RP1: variants seen among roughly 807,000 people sequenced by gnomAD.
RP1 encodes RP1 axonemal microtubule associated, also known as oxygen-regulated protein 1.
RP1 carries 16 observed loss-of-function variants against 14.8 expected under a neutral mutation model. The observed-to-expected ratio is 1.08, with a 90% CI of 0.73 to 1.65. RP1 has a LOEUF of 1.65. Ranked by LOEUF, RP1 falls within the 40% of genes most tolerant of loss-of-function variation. RP1 has a pLI of 0.00. For missense variants in RP1, 2,631 were observed against 2,535.0 expected (o/e 1.04, Z -0.81); for synonymous variants, 876 against 883.6 (o/e 0.99, Z 0.15).
intron 25 of RP1, among the ~76,000 whole-genome samples, chr8:54,843,011 C>T (rs184250949): frequency 7.9e-5 from 12 of 152,286 alleles, no homozygotes; most frequent in Admixed American, 5.2e-4. Context: ...ACTCCACTCC[C>T]CTCCCAACTG....
chr8:54,853,824 GAAAC>G (rs1231623608), intron 26 of RP1, among the ~76,000 whole-genome samples: 1 of 106,198 alleles, frequency 9.4e-6, no homozygotes, highest in African/African-American at 4.2e-5. Flanking sequence ...GGAAGGAAGA[GAAAC>G]AAAGAGAGAG....
intron 19 of RP1, among the ~76,000 whole-genome samples, chr8:54,748,321 T>C (rs1479819622): frequency 6.6e-6 from 1 of 152,208 alleles, no homozygotes; most frequent in Non-Finnish European, 1.5e-5. Flanking sequence ...TTTTTGAAGA[T>C]TTTCTAGTTC....
chr8:54,583,732 G>C (rs1455916535), intron 1 of RP1, among the ~76,000 whole-genome samples: 2 of 151,996 alleles, frequency 1.3e-5, no homozygotes, highest in African/African-American at 4.8e-5. Flanking sequence ...GTCTTGGGAG[G>C]GTGTATGTGT....
intron 25 of RP1, among the ~76,000 whole-genome samples, chr8:54,846,120 G>A (rs1036381323): frequency 7.2e-5 from 11 of 152,246 alleles, no homozygotes; most frequent in African/African-American, 2.6e-4. Context: ...AAAACTTCTT[G>A]GCCGAAGAAG....
chr8:54,561,738 C>T (rs1266312137), intron 1 of RP1: 1 of 152,120 alleles, frequency 6.6e-6, no homozygotes, highest in East Asian at 1.9e-4. Context: ...GAATCATTAT[C>T]TAACAGAAAA....
At chr8:54,603,943 G>A (rs920331277) in intron 1 of RP1, among the ~76,000 whole-genome samples, 6 of 152,216 alleles carry the variant, frequency 3.9e-5, no homozygotes, top group African/African-American at 1.4e-4. Context: ...TTGGGACTGA[G>A]ACGATGGGGT....
intron 3 of RP1, among the ~76,000 whole-genome samples, chr8:54,643,048 G>A (rs1486749930): frequency 6.6e-6 from 1 of 151,256 alleles, no homozygotes; most frequent in Non-Finnish European, 1.5e-5. Context: ...TTTCCATTGT[G>A]ATATCGATGT....
chr8:54,749,759 G>A (rs1809313482), intron 19 of RP1, among the ~76,000 whole-genome samples: 1 of 152,122 alleles, frequency 6.6e-6, no homozygotes, highest in African/African-American at 2.4e-5. Context: ...GTGATCTAGG[G>A]ACCCAGGAGA....
rs1805979750 is a variant in RP1 at position 54,624,715 on chromosome 8, T to C, written c.833T>C (p.Val278Ala). Residue 278 changes from valine to alanine, a missense_variant, in exon 4 of 4, where the codon GTT becomes GCT. By Grantham distance (64) the Val-to-Ala change is moderately conservative. Transcript: ENST00000220676. Reference protein sequence around the residue: ...SSSSRSQIYSVSSEKTHNNDC... With the variant: ...SSSSRSQIYSASSEKTHNNDC... ...AGCTCAAGGTCCCAGATTTATTCTG[T>C]TTCTTCTGAGAAAACACATAATAAT... is the stretch of plus-strand genomic sequence containing the variant. The C allele has an allele frequency of 6.2e-7, 1 of 1,613,900 alleles. No individual in the cohort carries two copies. The highest frequency in any genetic ancestry group is 1.3e-5 in the African/African-American group (1 of 74,928).
intron 25 of RP1, among the ~76,000 whole-genome samples, chr8:54,848,317 C>T (rs1376133567): frequency 6.6e-6 from 1 of 152,204 alleles, no homozygotes; most frequent in African/African-American, 2.4e-5. Context: ...AGGAGTGCCT[C>T]CTCCTATCCT....
At chr8:54,604,718 C>A (rs992272174) in intron 1 of RP1, among the ~76,000 whole-genome samples, 5 of 152,138 alleles carry the variant, frequency 3.3e-5, no homozygotes, top group African/African-American at 1.2e-4. Context: ...ATTTCAGAGC[C>A]TGTTATTGGT....
chr8:54,807,693 T>C (rs1050927580), intron 24 of RP1, among the ~76,000 whole-genome samples: 20 of 151,804 alleles, frequency 1.3e-4, no homozygotes, highest in Admixed American at 6.6e-5. Flanking sequence ...TATCTCTATC[T>C]ATCTATCATG....
intron 1 of RP1, among the ~76,000 whole-genome samples, chr8:54,605,669 A>T (rs1237458762): frequency 3.9e-5 from 6 of 152,064 alleles, no homozygotes; most frequent in South Asian, 2.1e-4. Flanking sequence ...ATTGTGTGGG[A>T]GTCTAAGTCT....
intron 12 of RP1, among the ~76,000 whole-genome samples, chr8:54,694,126 G>T (rs1807794242): frequency 2.6e-5 from 4 of 152,132 alleles, no homozygotes; most frequent in Admixed American, 2.6e-4. Context: ...TACATTTATT[G>T]ATTTGCATAT....
chr8:54,855,249 G>A (rs952851294), intron 26 of RP1, among the ~76,000 whole-genome samples: 5 of 152,034 alleles, frequency 3.3e-5, no homozygotes, highest in South Asian at 2.1e-4. Context: ...TTTCCTTCGC[G>A]AGACTGAGTA....
At chr8:54,787,958 A>T (rs2129382978) in intron 24 of RP1, among the ~76,000 whole-genome samples, 1 of 152,370 alleles carries the variant, frequency 6.6e-6, no homozygotes, top group Non-Finnish European at 1.5e-5. Context: ...TGAGTGCAAC[A>T]ATACTTTATA....
Position 54,627,554 on chromosome 8 carries a change from T to C in RP1, c.3672T>C (p.Ser1224=), listed in dbSNP as rs374797080. ...TVNIQSVPKC[S]ENERTQGISS... ...ACATTCAGAGTGTTCCTAAGTGCAG[T>C]GAAAATGAAAGAACACAAGGAATCT... The change falls in exon 4 of 4, where the codon AGT becomes AGC. Residue 1224 remains serine (S), a synonymous_variant. Coordinates refer to ENST00000220676, the MANE Select transcript of RP1 (RefSeq NM_006269.2). 15 of 1,614,036 alleles carry C rather than the reference T, an allele frequency of 9.3e-6. No homozygotes were observed. The African/African-American group carries it at 1.6e-4, about 17-fold the overall frequency.
chr8:54,673,510 C>T (rs1047076045), intron 7 of RP1, among the ~76,000 whole-genome samples: 7 of 152,112 alleles, frequency 4.6e-5, no homozygotes, highest in Non-Finnish European at 7.4e-5. Flanking sequence ...AAGGTTGAGG[C>T]GGGCGGATTG....
intron 24 of RP1, among the ~76,000 whole-genome samples, chr8:54,799,130 T>C (rs1457967283): frequency 6.6e-6 from 1 of 152,000 alleles, no homozygotes; most frequent in African/African-American, 2.4e-5. Flanking sequence ...AAAGATGAAA[T>C]CTTGAAATAT....
Sources: gnomAD v4.1 joint callset for allele counts (sites outside exome capture counted in the v4.1 genomes callset) on GRCh38, gnomAD v4.1.1 for gene constraint, MANE v1.5 for transcripts, NCBI Gene and HGNC (gene_info 2026-07-23, HGNC 2026-07-21) for gene names.